The following TAPBPL variants were observed in gnomAD, a reference collection of about 807,000 sequenced individuals.
TAPBPL encodes TAP binding protein like.
A neutral mutation model predicts 44.8 loss-of-function variants in TAPBPL; 32 were observed. The observed-to-expected ratio is 0.71, with a 90% CI of 0.54 to 0.96. The LOEUF is 0.96. Among genes scored for constraint, TAPBPL ranks in the 40% least tolerant of loss-of-function variants. The pLI is 0.00. For synonymous variants in TAPBPL, 230 were observed against 240.7 expected, an observed-to-expected ratio of 0.96 and a Z score of 0.41; for missense variants, 520 against 586.6, an observed-to-expected ratio of 0.89 and a Z score of 1.17.
downstream of TAPBPL, chr12:6,464,919 A>G (rs1469664316): frequency 6.8e-6 from 11 of 1,613,900 alleles, no homozygotes; most frequent in Non-Finnish European, 6.8e-6. Flanking sequence ...GATGGCACAG[A>G]TGGCTCCCAG....
At chr12:6,452,678 T>C (rs760768468) in intron 1 of TAPBPL, 475 of 1,141,154 alleles carry the variant, frequency 4.2e-4, no homozygotes, top group Middle Eastern at 6.7e-4. Flanking sequence ...CTACCCGAAA[T>C]GGGAGAAAGC....
At chr12:6,455,306 G>GT (rs771385719) in intron 3 of TAPBPL, among the ~76,000 whole-genome samples, 1 of 152,168 alleles carries the variant, frequency 6.6e-6, no homozygotes, top group Non-Finnish European at 1.5e-5. Context: ...TCCATAGCAT[G>GT]TATTAGTTTA....
At chr12:6,464,791 G>T, downstream of TAPBPL, 2 of 1,590,166 alleles carry the variant, frequency 1.3e-6, no homozygotes, top group Non-Finnish European at 1.7e-6. Flanking sequence ...CCATACCTCA[G>T]TCAGAGCAGC....
In TAPBPL at chr12:6,457,473, C is replaced by G; in HGVS notation, c.633C>G (p.Asp211Glu). 1.2e-6 allele frequency: 2 copies of G among 1,614,248 alleles called. No individual in the cohort carries two copies. Among genetic ancestry groups the G allele is most frequent in the Non-Finnish European group, 1.7e-6 (2 of 1,180,046 alleles). The change falls in exon 4 of 7, where the codon GAC (aspartate) becomes GAG (glutamate). Residue 211 changes from aspartate (D) to glutamate (E), a missense_variant. Physicochemically the swap from Asp to Glu is conservative, Grantham distance 45. Coordinates refer to ENST00000266556, the MANE Select transcript of TAPBPL (RefSeq NM_018009.5). Reference protein sequence around the residue: ...SFLLGSSASLDCGFSMAPGLD... With the variant: ...SFLLGSSASLECGFSMAPGLD... ...TGCTGGGGTCCTCAGCCTCCTTGGA[C>G]TGTGGCTTCTCCATGGCACCGGGCT...
chr12:6,457,106 T>C (rs1949721818), intron 3 of TAPBPL, among the ~76,000 whole-genome samples: 1 of 152,252 alleles, frequency 6.6e-6, no homozygotes, highest in Non-Finnish European at 1.5e-5. Flanking sequence ...TAGTAGTTCT[T>C]ACCTGAAGAT....
At chr12:6,456,039 C>T (rs1949694619) in intron 3 of TAPBPL, among the ~76,000 whole-genome samples, 1 of 152,102 alleles carries the variant, frequency 6.6e-6, no homozygotes, top group African/African-American at 2.4e-5. Context: ...GGATTACAGG[C>T]GTGAGCCACT....
intron 6 of TAPBPL, among the ~76,000 whole-genome samples, chr12:6,461,744 A>C (rs1949866794): frequency 6.6e-6 from 1 of 152,088 alleles, no homozygotes; most frequent in South Asian, 2.1e-4. Flanking sequence ...CAAATGCCTC[A>C]CTCCCTCAGC....
downstream of TAPBPL, chr12:6,470,657 C>G: frequency 7.8e-7 from 1 of 1,279,900 alleles, no homozygotes; most frequent in East Asian, 2.5e-5. Flanking sequence ...ACCCCGCGGT[C>G]TAGCTGCGCT....
At chr12:6,465,371 T>TATATAA (rs535321257), downstream of TAPBPL, 2 of 113,768 alleles carry the variant, frequency 1.8e-5, no homozygotes, top group African/African-American at 8.0e-5. Context: ...TATATATATA[T>TATATAA]AAATGTATAT....
chr12:6,470,704 TA>T, downstream of TAPBPL: 1 of 785,390 alleles, frequency 1.3e-6, no homozygotes, highest in Non-Finnish European at 2.1e-6. Flanking sequence ...CCTCCGCCTT[TA>T]TTAGTGCTGA....
chr12:6,466,633 A>G (rs1565527511), downstream of TAPBPL: 3 of 270,166 alleles, frequency 1.1e-5, no homozygotes, highest in Non-Finnish European at 2.1e-5. Flanking sequence ...AATCTGAAGT[A>G]GGGAGACAAA....
downstream of TAPBPL, chr12:6,470,590 G>GCGAGGGACGC (rs1321423036): frequency 3.7e-6 from 6 of 1,610,338 alleles, no homozygotes; most frequent in East Asian, 2.2e-5. Context: ...GAGACACCCG[G>GCGAGGGACGC]TGAGGGACGC....
chr12:6,455,540 C>T (rs1000438311), intron 3 of TAPBPL, among the ~76,000 whole-genome samples: 1 of 152,096 alleles, frequency 6.6e-6, no homozygotes, highest in Non-Finnish European at 1.5e-5. Flanking sequence ...ATACTCCTCT[C>T]TGCTAGGGCA....
At position 6,457,629 on chromosome 12, in the gene TAPBPL, C is replaced by T. The variant is rs367731473; in HGVS notation, c.789C>T (p.Ala263=). Reference sequence around the variant, plus strand: ...TGGAGCCTGCACAACTGGGCATGGCCAGGGATGCCTCCCTCACCCTGCCCG... The same window carrying T: ...TGGAGCCTGCACAACTGGGCATGGCTAGGGATGCCTCCCTCACCCTGCCCG... The part of the protein sequence containing the change: ...ATLEPAQLGM[A]RDASLTLPGL... The change falls in exon 4 of 7, where the codon GCC becomes GCT. Residue 263 remains alanine, a synonymous_variant. Transcript: ENST00000266556. 1.9e-6 allele frequency: 3 copies of T among 1,614,176 alleles called. No individual in the cohort carries two copies. Among genetic ancestry groups the T allele is most frequent in the Non-Finnish European group, 2.5e-6 (3 of 1,180,014 alleles).
intron 3 of TAPBPL, among the ~76,000 whole-genome samples, chr12:6,456,886 C>A (rs1361113436): frequency 6.6e-6 from 1 of 152,162 alleles, no homozygotes; most frequent in Non-Finnish European, 1.5e-5. Context: ...CTCCTGACCT[C>A]AGGTGATCCA....
intron 5 of TAPBPL, 80 bp from the exon 6 acceptor site, chr12:6,460,775 T>C (rs1156356443): frequency 3.6e-6 from 5 of 1,383,212 alleles, no homozygotes; most frequent in Admixed American, 1.7e-5. Flanking sequence ...TCCTCCTCCC[T>C]GGGGTGGACA....
intron 1 of TAPBPL, 68 bp from the exon 2 acceptor site, chr12:6,452,998 CG>C (rs1469949606): frequency 1.4e-6 from 2 of 1,447,160 alleles, no homozygotes; most frequent in Non-Finnish European, 1.9e-6. Context: ...AGCTTGAGGG[CG>C]GGGGCAGGAA....
chr12:6,462,849 C>A, downstream of TAPBPL: 3 of 1,606,096 alleles, frequency 1.9e-6, no homozygotes, highest in Non-Finnish European at 2.6e-6. Context: ...CGCCCTTGGG[C>A]AGGACGAAGG....
intron 1 of TAPBPL, 95 bp from the exon 2 acceptor site, chr12:6,452,972 C>T: frequency 7.8e-7 from 1 of 1,275,848 alleles, no homozygotes; most frequent in Non-Finnish European, 1.1e-6. Flanking sequence ...CAACTTTTAC[C>T]CTTTGATGAC....
Sources: gnomAD v4.1 joint callset for allele counts (sites outside exome capture counted in the v4.1 genomes callset) on GRCh38, gnomAD v4.1.1 for gene constraint, MANE v1.5 for transcripts, NCBI Gene and HGNC (gene_info 2026-07-23, HGNC 2026-07-21) for gene names.